The following AHNAK variants were observed in gnomAD, a reference collection of about 807,000 sequenced individuals.
The protein encoded by AHNAK is AHNAK nucleoprotein.
AHNAK carries 23 observed loss-of-function variants against 37.8 expected under a neutral mutation model. The observed-to-expected ratio is 0.61, with a 90% CI of 0.44 to 0.86. The LOEUF is 0.86. Among genes scored for constraint, AHNAK ranks in the 40% least tolerant of loss-of-function variants. AHNAK has a pLI of 0.00. For missense variants in AHNAK, 7,411 were observed against 7,319.4 expected (o/e 1.01, Z -0.46); for synonymous variants, 2,481 against 2,636.3 (o/e 0.94, Z 1.80).
At position 62,524,876 on chromosome 11, in the gene AHNAK, C is replaced by A. The variant is rs200714755; in HGVS notation, c.9541G>T (p.Val3181Phe). The change falls in exon 5 of 5, where the codon GTC (valine) becomes TTC (phenylalanine). Residue 3181 changes from valine (V) to phenylalanine (F), a missense_variant. Physicochemically the swap from Val to Phe is conservative, Grantham distance 50 (BLOSUM62 -1). Coordinates refer to ENST00000378024, the MANE Select transcript of AHNAK (RefSeq NM_001620.3). ...TCAACGTCCACCTTGGGTCCTGAGACGTCAAGGTCAGCCTTGGGCAGGTTC... is the reference window on the plus strand; with the variant it reads ...TCAACGTCCACCTTGGGTCCTGAGAAGTCAAGGTCAGCCTTGGGCAGGTTC... ...DVNLPKADLD[V>F]SGPKVDVDVP... is the part of the protein sequence containing the mutation. 39 of 1,614,006 alleles carry A rather than the reference C, an allele frequency of 2.4e-5. No individual in the cohort carries two copies. The highest frequency in any genetic ancestry group is 3.1e-5 in the Non-Finnish European group (37 of 1,180,036).
intron 5 of AHNAK, among the ~76,000 whole-genome samples, chr11:62,471,620 G>A (rs993742431): frequency 3.3e-5 from 5 of 152,278 alleles, no homozygotes; most frequent in Non-Finnish European, 7.4e-5. Context: ...TTTGGATTTC[G>A]GATTTTTGGA....
chr11:62,544,439 T>C (rs549312721), intron 1 of AHNAK, among the ~76,000 whole-genome samples: 1 of 151,306 alleles, frequency 6.6e-6, no homozygotes, highest in South Asian at 2.1e-4. Context: ...CTGACCAGTG[T>C]CCCTGTGCAT....
downstream of AHNAK, among the ~76,000 whole-genome samples, chr11:62,513,527 C>T (rs1157007289): frequency 6.6e-6 from 1 of 150,904 alleles, no homozygotes; most frequent in Non-Finnish European, 1.5e-5. Context: ...AAGAGCGAGA[C>T]TCTGTCTCAA....
intron 4 of AHNAK, among the ~76,000 whole-genome samples, chr11:62,498,415 ATTACACT>A: frequency 7.3e-6 from 1 of 137,814 alleles, no homozygotes; most frequent in African/African-American, 2.9e-5. Flanking sequence ...TGTAATTATA[ATTACACT>A]ATATAGTGTA....
chr11:62,538,692 C>T (rs1941031055), intron 1 of AHNAK, among the ~76,000 whole-genome samples: 1 of 152,260 alleles, frequency 6.6e-6, no homozygotes, highest in Admixed American at 6.5e-5. Flanking sequence ...CCTCACATCA[C>T]TCACGCACCC....
chr11:62,463,792 C>A (rs1001333018), intron 5 of AHNAK, among the ~76,000 whole-genome samples: 5 of 151,984 alleles, frequency 3.3e-5, no homozygotes, highest in African/African-American at 1.2e-4. Context: ...GAGACAGAGT[C>A]TTGCTCTATC....
In AHNAK at chr11:62,516,452, A is replaced by T. The variant is rs554856713; in HGVS notation, c.*292T>A. 7.8e-7 allele frequency: 1 copy of T among 1,285,472 alleles called. No homozygotes were observed. The highest frequency in any genetic ancestry group is 1.5e-5 in the African/African-American group (1 of 66,240). The allele number at this position is 1,285,472 out of a possible 1,614,324, so 79.6% of individuals were successfully genotyped here. A position where few individuals can be genotyped will look rare whatever the true frequency, so the allele number is the denominator to read the frequency against. On this transcript the variant is annotated 3_prime_UTR_variant, in exon 5 of 5. Transcript: ENST00000378024. ...TAATAAACACAAAAGCTTGCTTAGT[A>T]AACAGGAGCTCTCAGCAGTCAATGC...
intron 1 of AHNAK, among the ~76,000 whole-genome samples, chr11:62,538,435 G>A (rs1482843849): frequency 6.6e-6 from 1 of 152,230 alleles, no homozygotes; most frequent in Non-Finnish European, 1.5e-5. Context: ...ACGGACTACA[G>A]CCACAGCACA....
Position 62,527,422 on chromosome 11 carries a change from A to T in AHNAK, c.6995T>A (p.Val2332Asp). ...CTCTCCCTCCAGCTTTGGGGCAGAAACATCAACATCTCCTTTGATTTTGGG... is the reference window on the plus strand; with the variant it reads ...CTCTCCCTCCAGCTTTGGGGCAGAATCATCAACATCTCCTTTGATTTTGGG... The part of the protein sequence containing the change: ...KGPKIKGDVD[V>D]SAPKLEGELK... Residue 2332 changes from valine to aspartate, a missense_variant, in exon 5 of 5, where the codon GTT becomes GAT. Physicochemically the swap from Val to Asp is radical, Grantham distance 152. Coordinates refer to ENST00000378024, the MANE Select transcript of AHNAK (RefSeq NM_001620.3). 6.2e-7 allele frequency: 1 copy of T among 1,614,188 alleles called. No individual in the cohort carries two copies. Among genetic ancestry groups the T allele is most frequent in the Non-Finnish European group, 8.5e-7 (1 of 1,180,028 alleles).
At chr11:62,474,694 C>G (rs73498083) in intron 5 of AHNAK, among the ~76,000 whole-genome samples, 9,241 of 152,248 alleles carry the variant, frequency 0.061, 949 homozygotes, top group African/African-American at 0.21. Context: ...GAGCCAGGGA[C>G]TGACAGCTGG....
In AHNAK at chr11:62,519,726, G is replaced by A; in HGVS notation, c.14691C>T (p.Ala4897=). ...GPRLDFEGPD[A]KLSGPSLKMP... ...TCTTCAAAGATGGGCCACTGAGTTT[G>A]GCATCAGGGCCTTCGAAATCCAGAC... is the stretch of plus-strand genomic sequence containing the variant. Residue 4897 remains alanine, a synonymous_variant, in exon 5 of 5, where the codon GCC becomes GCT. Transcript: ENST00000378024. The A allele has an allele frequency of 6.2e-7, 1 of 1,613,710 alleles. No homozygotes were observed. The highest frequency in any genetic ancestry group is 8.5e-7 in the Non-Finnish European group (1 of 1,179,862).
At chr11:62,543,713 T>C (rs1029781539) in intron 1 of AHNAK, among the ~76,000 whole-genome samples, 1 of 152,208 alleles carries the variant, frequency 6.6e-6, no homozygotes, top group African/African-American at 2.4e-5. Context: ...CCGGATGGCC[T>C]GAGCCCAGGG....
At chr11:62,515,856 C>T, downstream of AHNAK, 1 of 1,096,408 alleles carries the variant, frequency 9.1e-7, no homozygotes. Flanking sequence ...GTGCAGCTTC[C>T]CCAGGTTTCA....
rs1396701514 is a variant in AHNAK, at chr11:62,520,557, G to T, written c.13860C>A (p.Gly4620=). 1 of 1,613,906 alleles carries T rather than the reference G, an allele frequency of 6.2e-7. No homozygotes were observed. Among genetic ancestry groups the T allele is most frequent in the Admixed American group, 1.7e-5 (1 of 60,000 alleles). Residue 4620 remains glycine, a synonymous_variant, in exon 5 of 5, where the codon GGC becomes GGA. Transcript: ENST00000378024. ...DMDISLPKVE[G]DLKGPEVDIR... is the part of the protein sequence containing the mutation. ...TGTCAACTTCGGGGCCCTTGAGGTCGCCTTCCACTTTGGGCAGAGAAATGT... is the reference window on the plus strand; with the variant it reads ...TGTCAACTTCGGGGCCCTTGAGGTCTCCTTCCACTTTGGGCAGAGAAATGT...
rs1222187788 is a variant in AHNAK at position 62,523,881 on chromosome 11, A to T, written c.10536T>A (p.Ile3512=). Residue 3512 remains isoleucine (I), a synonymous_variant, in exon 5 of 5, where the codon ATT becomes ATA. Transcript: ENST00000378024. Reference sequence around the variant, plus strand: ...CTTCCACATTGAGATCTGGGCCCTCAATGTTCATACTTGGGCCCTCTATGT... The same window carrying T: ...CTTCCACATTGAGATCTGGGCCCTCTATGTTCATACTTGGGCCCTCTATGT... The part of the protein sequence containing the change: ...DINIEGPSMN[I]EGPDLNVEGP... The T allele has an allele frequency of 6.2e-7, 1 of 1,614,014 alleles. No individual in the cohort carries two copies. The highest frequency in any genetic ancestry group is 1.1e-5 in the South Asian group (1 of 91,070).
chr11:62,531,296 G>A lies in AHNAK; in HGVS notation c.3121C>T (p.Leu1041=), dbSNP rs759686377. The change falls in exon 5 of 5, where the codon CTG becomes TTG. Residue 1041 remains leucine, a synonymous_variant. Transcript: ENST00000378024. The part of the protein sequence containing the change: ...APKVDTNAPD[L]SLEGPEGKLK... ...TTCCCTTCAGGTCCTTCAAGGCTCA[G>A]ATCTGGAGCATTAGTATCTACTTTT... is the stretch of plus-strand genomic sequence containing the variant. 1.2e-6 allele frequency: 2 copies of A among 1,613,590 alleles called. No individual in the cohort carries two copies. Among genetic ancestry groups the A allele is most frequent in the Non-Finnish European group, 1.7e-6 (2 of 1,179,842 alleles).
intron 4 of AHNAK, among the ~76,000 whole-genome samples, chr11:62,495,847 G>A (rs1484352584): frequency 1.3e-5 from 2 of 151,938 alleles, no homozygotes; most frequent in Non-Finnish European, 2.9e-5. Flanking sequence ...CCAGAAGTTC[G>A]AGACCAGCCT....
Position 62,533,996 on chromosome 11 carries a change from C to T in AHNAK, c.421G>A (p.Gly141Arg), listed in dbSNP as rs569820926. The change falls in exon 5 of 5, where the codon GGA becomes AGA. Residue 141 changes from glycine (G) to arginine (R), a missense_variant. By Grantham distance (125) the Gly-to-Arg change is moderately radical. Coordinates refer to ENST00000378024, the MANE Select transcript of AHNAK (RefSeq NM_001620.3). ...CGGCTCTGGGTCTCCCCGAGGTCTC[C>T]TTCCACTCCATCTTCCGACTTCAGC... ...PRLKSEDGVE[G>R]DLGETQSRTI... The T allele has an allele frequency of 1.2e-6, 2 of 1,601,750 alleles. No individual in the cohort carries two copies. The highest frequency in any genetic ancestry group is 1.7e-5 in the Admixed American group (1 of 59,114).
rs746006778 is a variant in AHNAK, at chr11:62,521,103, C to T, written c.13314G>A (p.Pro4438=). Residue 4438 remains proline, a synonymous_variant, in exon 5 of 5, where the codon CCG becomes CCA. Coordinates refer to ENST00000378024, the MANE Select transcript of AHNAK (RefSeq NM_001620.3). ...ATTTGGGCCCCTTCAATTTTCCTTC[C>T]GGACCTTCAATATTGACATCAGGTG... ...IDTPDVNIEG[P]EGKLKGPKFK... The T allele has an allele frequency of 6.8e-6, 11 of 1,613,630 alleles. No homozygotes were observed. Among genetic ancestry groups the T allele is most frequent in the Middle Eastern group, 1.6e-4 (1 of 6,080 alleles).
Sources: gnomAD v4.1 joint callset for allele counts (sites outside exome capture counted in the v4.1 genomes callset) on GRCh38, gnomAD v4.1.1 for gene constraint, MANE v1.5 for transcripts, NCBI Gene and HGNC (gene_info 2026-07-23, HGNC 2026-07-21) for gene names.